Variants in FAT3 observed in about 807,000 individuals in gnomAD.
FAT3 encodes the protein protocadherin Fat 3.
Under a neutral mutation model 310.2 loss-of-function variants are expected in FAT3, and 95 were observed. The observed-to-expected ratio is 0.31, with a 90% CI of 0.26 to 0.36. The LOEUF is 0.36. Among genes scored for constraint, FAT3 ranks in the 10% least tolerant of loss-of-function variants. The probability of loss-of-function intolerance (pLI) is 1.00; values close to 1 mark genes in which losing one functional copy is unlikely to be tolerated. For synonymous variants in FAT3, 2,314 were observed against 2,192.9 expected (o/e 1.06, Z -1.54); for missense variants, 5,408 against 5,715.6 (o/e 0.95, Z 1.74).
intron 3 of FAT3, among the ~76,000 whole-genome samples, chr11:92,612,157 CT>C (rs1401789064): frequency 2.0e-5 from 3 of 152,126 alleles, no homozygotes; most frequent in African/African-American, 7.2e-5. Context: ...CCTTTTTTTA[CT>C]TGTAATAGTG....
At chr11:92,547,395 G>A (rs530411820) in intron 3 of FAT3, among the ~76,000 whole-genome samples, 1 of 152,250 alleles carries the variant, frequency 6.6e-6, no homozygotes, top group African/African-American at 2.4e-5. Flanking sequence ...CATGCCTATA[G>A]CCTTAAAATT....
chr11:92,454,059 C>T (rs1158511281), intron 2 of FAT3, among the ~76,000 whole-genome samples: 1 of 152,062 alleles, frequency 6.6e-6, no homozygotes, highest in African/African-American at 2.4e-5. Context: ...ATTTAACTCC[C>T]TATATCCAAA....
intron 3 of FAT3, among the ~76,000 whole-genome samples, chr11:92,649,203 C>T (rs1565485636): frequency 6.6e-6 from 1 of 152,134 alleles, no homozygotes; most frequent in Non-Finnish European, 1.5e-5. Context: ...TATTGATTTC[C>T]ATTAAACTTG....
chr11:92,889,843 T>C lies in FAT3; in HGVS notation c.13112-13T>C. ...GGACTGTCAGTTTTACTTTTCACTT[T>C]GTATTTAAACAGTGTCTGTCATGGA... is the stretch of plus-strand genomic sequence containing the variant. On this transcript the variant is annotated splice_polypyrimidine_tract_variant and intron_variant, in intron 26 of 27. Coordinates refer to ENST00000525166, the MANE Select transcript of FAT3 (RefSeq NM_001367949.2). The C allele has an allele frequency of 1.4e-6, 1 of 717,948 alleles. No homozygotes were observed. The highest frequency in any genetic ancestry group is 1.5e-5 in the South Asian group (1 of 67,600). The allele number at this position is 717,948 out of a possible 1,614,324, so 44.5% of individuals were successfully genotyped here. A position where few individuals can be genotyped will look rare whatever the true frequency, so the allele number is the denominator to read the frequency against.
intron 3 of FAT3, among the ~76,000 whole-genome samples, chr11:92,572,507 G>A (rs1192333001): frequency 2.6e-5 from 4 of 152,142 alleles, no homozygotes; most frequent in Non-Finnish European, 5.9e-5. Flanking sequence ...TTTAATATCT[G>A]CCCATGCTTA....
rs1950021845 is a variant in FAT3, at chr11:92,895,928, A to C, written c.*4815A>C. On this transcript the variant is annotated 3_prime_UTR_variant, in exon 28 of 28. Transcript: ENST00000525166. ...AAACTTTTGAGGTAACTACACACAC[A>C]CACACACACACAAGGATTTTAGATT... is the stretch of plus-strand genomic sequence containing the variant. The C allele has an allele frequency of 6.6e-6, 1 of 151,908 alleles. No homozygotes were observed. The highest frequency in any genetic ancestry group is 1.5e-5 in the Non-Finnish European group (1 of 67,984). The allele number at this position is 151,908 out of a possible 1,614,324, so 9.4% of individuals were successfully genotyped here. A position where few individuals can be genotyped will look rare whatever the true frequency, so the allele number is the denominator to read the frequency against.
chr11:92,264,371 G>C (rs918391477), intron 1 of FAT3, among the ~76,000 whole-genome samples: 2 of 152,040 alleles, frequency 1.3e-5, no homozygotes, highest in Non-Finnish European at 2.9e-5. Context: ...TTGAAGAAGA[G>C]ATACAAAATA....
chr11:92,833,724 CAAAT>C (rs1948326108), intron 14 of FAT3, among the ~76,000 whole-genome samples: 3 of 152,150 alleles, frequency 2.0e-5, no homozygotes, highest in Admixed American at 6.5e-5. Context: ...GTCATTATCT[CAAAT>C]AAAATGTATG....
intron 3 of FAT3, among the ~76,000 whole-genome samples, chr11:92,561,856 C>T (rs1955237839): frequency 6.6e-6 from 1 of 152,004 alleles, no homozygotes; most frequent in South Asian, 2.1e-4. Flanking sequence ...GAACACCTGG[C>T]CTCAAGTGAT....
At chr11:92,735,075 C>T (rs959473455) in intron 4 of FAT3, among the ~76,000 whole-genome samples, 2 of 152,090 alleles carry the variant, frequency 1.3e-5, no homozygotes, top group Admixed American at 6.6e-5. Context: ...TTCTAGAACA[C>T]CTCCCTGCAG....
intron 1 of FAT3, among the ~76,000 whole-genome samples, chr11:92,250,661 G>T (rs972657868): frequency 6.6e-6 from 1 of 152,116 alleles, no homozygotes; most frequent in African/African-American, 2.4e-5. Context: ...AATTAATAGA[G>T]CTGACTTCTG....
intron 6 of FAT3, among the ~76,000 whole-genome samples, chr11:92,768,130 C>A (rs1482448018): frequency 6.6e-6 from 1 of 152,180 alleles, no homozygotes; most frequent in African/African-American, 2.4e-5. Context: ...TGGTGTATTT[C>A]TAAATGCTAT....
chr11:92,637,226 C>T (rs1941797134), intron 3 of FAT3, among the ~76,000 whole-genome samples: 1 of 152,100 alleles, frequency 6.6e-6, no homozygotes. Flanking sequence ...GACTGGAAAC[C>T]CACTGCCCCA....
intron 1 of FAT3, among the ~76,000 whole-genome samples, chr11:92,232,937 C>A (rs1864251351): frequency 6.6e-6 from 1 of 152,198 alleles, no homozygotes; most frequent in Non-Finnish European, 1.5e-5. Flanking sequence ...TTCTCTACAT[C>A]TCTCTCAGTT....
chr11:92,673,225 T>C (rs1425319249), intron 3 of FAT3, among the ~76,000 whole-genome samples: 1 of 152,218 alleles, frequency 6.6e-6, no homozygotes, highest in Non-Finnish European at 1.5e-5. Context: ...GACCAGCTCA[T>C]ATTTGGGGCT....
chr11:92,288,280 G>A (rs1245648467), intron 1 of FAT3, among the ~76,000 whole-genome samples: 1 of 152,112 alleles, frequency 6.6e-6, no homozygotes, highest in Non-Finnish European at 1.5e-5. Flanking sequence ...TGGTTGGCAG[G>A]GTCTCAAGGG....
At chr11:92,366,458 GA>G (rs1591177787) in intron 2 of FAT3, 1 of 390,756 alleles carries the variant, frequency 2.6e-6, no homozygotes, top group East Asian at 6.4e-5. Flanking sequence ...GACAGACAGG[GA>G]GGGTGCTCCT....
Position 92,788,770 on chromosome 11 carries a change from A to G in FAT3, c.4336-1173A>G, listed in dbSNP as rs115074798. Among the ~76,000 whole-genome samples the G allele has an allele frequency of 2.8e-3, 425 of 152,304 alleles. 1 individual carries two copies. The highest frequency in any genetic ancestry group is 9.6e-3 in the African/African-American group (397 of 41,570). On this transcript the variant is annotated intron_variant, in intron 7 of 27. Transcript: ENST00000525166. ...AAATACAGGGTACAGAGGGACATGT[A>G]AAACAAAACCACAGCGATGCTATGA...
At position 92,282,958 on chromosome 11, in the gene FAT3, T is replaced by A. The variant is rs1360336434; in HGVS notation, c.-18+57784T>A. 3.3e-5 allele frequency among the ~76,000 whole-genome samples: 5 copies of A among 152,254 alleles called. No homozygotes were observed. In the East Asian group the frequency reaches 9.7e-4, roughly 30 times the overall value. On this transcript the variant is annotated intron_variant, in intron 1 of 27. Coordinates refer to ENST00000525166, the MANE Select transcript of FAT3 (RefSeq NM_001367949.2). Reference sequence around the variant, plus strand: ...ATCTGTGATCCTGTTTTTATTTTATTTTGCTCTATAGTAATCATCACCAAC... The same window carrying A: ...ATCTGTGATCCTGTTTTTATTTTATATTGCTCTATAGTAATCATCACCAAC...
Sources: gnomAD v4.1 joint callset for allele counts (sites outside exome capture counted in the v4.1 genomes callset) on GRCh38, gnomAD v4.1.1 for gene constraint, MANE v1.5 for transcripts, NCBI Gene and HGNC (gene_info 2026-07-23, HGNC 2026-07-21) for gene names.